Variants in POLR3B observed in about 807,000 individuals in gnomAD.
The protein encoded by POLR3B is RNA polymerase III subunit B.
POLR3B carries 96 observed loss-of-function variants against 147.4 expected under a neutral mutation model. That is an observed-to-expected ratio of 0.65 (90% CI 0.55 to 0.77). POLR3B has a LOEUF of 0.77. Ranked by LOEUF, POLR3B falls within the 30% of genes least tolerant of loss-of-function variation. The pLI, the probability that POLR3B is intolerant of heterozygous loss-of-function variation, is 0.00. For synonymous variants in POLR3B, 461 were observed against 485.9 expected, an observed-to-expected ratio of 0.95 and a Z score of 0.67; for missense variants, 1,036 against 1,413.5, an observed-to-expected ratio of 0.73 and a Z score of 4.28.
intron 25 of POLR3B, among the ~76,000 whole-genome samples, chr12:106,500,687 G>A (rs748432024): frequency 5.3e-5 from 8 of 152,176 alleles, no homozygotes; most frequent in Non-Finnish European, 1.2e-4. Context: ...AAAGGAAACG[G>A]TAAGTCAGAG....
At chr12:106,477,827 C>T (rs796837444) in intron 23 of POLR3B, among the ~76,000 whole-genome samples, 6 of 147,736 alleles carry the variant, frequency 4.1e-5, no homozygotes, top group South Asian at 2.2e-4. Flanking sequence ...CCGTCTTCTG[C>T]GTCGCTCACG....
chr12:106,495,447 A>G (rs1012102884), intron 23 of POLR3B, among the ~76,000 whole-genome samples: 1 of 152,204 alleles, frequency 6.6e-6, no homozygotes, highest in Admixed American at 6.5e-5. Context: ...TATAGGAATT[A>G]AAATTCCTTT....
chr12:106,440,912 C>T (rs573075728), intron 18 of POLR3B, among the ~76,000 whole-genome samples: 17 of 152,124 alleles, frequency 1.1e-4, no homozygotes, highest in South Asian at 4.2e-4. Flanking sequence ...CTATTCCATA[C>T]ATCAAATTAA....
At chr12:106,376,543 G>C (rs2036681915) in intron 7 of POLR3B, 93 bp downstream of exon 7, 1 of 884,026 alleles carries the variant, frequency 1.1e-6, no homozygotes. Context: ...AACAGTACCA[G>C]CTTTTCTACT....
At chr12:106,422,710 T>C (rs759716312) in intron 12 of POLR3B, among the ~76,000 whole-genome samples, 18 of 152,218 alleles carry the variant, frequency 1.2e-4, no homozygotes, top group Non-Finnish European at 1.9e-4. Flanking sequence ...TCTGGACTCT[T>C]TGGTCTATCC....
chr12:106,399,701 C>A (rs1245723246), intron 10 of POLR3B, among the ~76,000 whole-genome samples: 1 of 152,112 alleles, frequency 6.6e-6, no homozygotes, highest in South Asian at 2.1e-4. Flanking sequence ...GAATTTTCAA[C>A]CCAGAATTTC....
At chr12:106,445,595 G>A (rs1322163700) in intron 19 of POLR3B, among the ~76,000 whole-genome samples, 2 of 150,998 alleles carry the variant, frequency 1.3e-5, no homozygotes, top group Non-Finnish European at 3.0e-5. Flanking sequence ...CCCTGACCCC[G>A]CCAAAAAAAA....
At chr12:106,377,682 A>G (rs2136898809) in intron 7 of POLR3B, among the ~76,000 whole-genome samples, 1 of 152,252 alleles carries the variant, frequency 6.6e-6, no homozygotes. Context: ...TTTTTCATTC[A>G]CTTTTTACAT....
At chr12:106,427,138 TA>T in intron 12 of POLR3B, 58 bp from the exon 13 acceptor site, 1 of 1,119,238 alleles carries the variant, frequency 8.9e-7, no homozygotes. Context: ...TAAAATTTAT[TA>T]AAATAATCTA....
chr12:106,435,677 T>G (rs1373476781), intron 16 of POLR3B, among the ~76,000 whole-genome samples: 1 of 152,108 alleles, frequency 6.6e-6, no homozygotes, highest in East Asian at 1.9e-4. Flanking sequence ...TCCTGAGAAC[T>G]AGTTGATAGA....
rs537406347 is a variant in POLR3B, at chr12:106,448,579, G to A, written c.2083+3989G>A. 3.3e-5 allele frequency among the ~76,000 whole-genome samples: 5 copies of A among 151,466 alleles called. No homozygotes were observed. The South Asian group carries it at 1.0e-3, about 32-fold the overall frequency. ...AGCCTCCTGAGTAGCTGGGACTACA[G>A]ATGCACACCACTATGCCCAGCTAAT... On this transcript the variant is annotated intron_variant, in intron 19 of 27. Coordinates refer to ENST00000228347, the MANE Select transcript of POLR3B (RefSeq NM_018082.6).
At chr12:106,499,821 T>C (rs965125734) in intron 25 of POLR3B, among the ~76,000 whole-genome samples, 1 of 152,220 alleles carries the variant, frequency 6.6e-6, no homozygotes, top group African/African-American at 2.4e-5. Context: ...AGAACCAGGT[T>C]GTGCTGAAGT....
At chr12:106,498,775 G>A (rs1485136860) in intron 25 of POLR3B, among the ~76,000 whole-genome samples, 3 of 152,138 alleles carry the variant, frequency 2.0e-5, no homozygotes, top group Non-Finnish European at 4.4e-5. Flanking sequence ...GAGTAGAGAC[G>A]AGGTTTCGCC....
chr12:106,469,176 AC>A (rs1291939900), intron 23 of POLR3B, among the ~76,000 whole-genome samples: 1 of 151,252 alleles, frequency 6.6e-6, no homozygotes, highest in Non-Finnish European at 1.5e-5. Flanking sequence ...TGTTGAATTA[AC>A]CCCTTTACCA....
chr12:106,411,609 A>G (rs2037228242), intron 12 of POLR3B, among the ~76,000 whole-genome samples: 2 of 152,240 alleles, frequency 1.3e-5, no homozygotes, highest in South Asian at 2.1e-4. Context: ...TACTAGTTAT[A>G]TAAGAGGGAG....
intron 20 of POLR3B, 118 bp from the exon 21 acceptor site, chr12:106,457,020 G>A (rs780716357): frequency 1.2e-6 from 1 of 815,584 alleles, no homozygotes; most frequent in Non-Finnish European, 2.1e-6. Flanking sequence ...CAAATACAGA[G>A]AAGTTTTGGG....
At chr12:106,375,899 G>A (rs1402651659) in intron 6 of POLR3B, among the ~76,000 whole-genome samples, 1 of 152,202 alleles carries the variant, frequency 6.6e-6, no homozygotes, top group Non-Finnish European at 1.5e-5. Flanking sequence ...ACTCTGGAGT[G>A]CAGTGGTGTG....
rs2038654541 is a variant in POLR3B, at chr12:106,504,477, AG to A, written c.3272+225del. The stretch of plus-strand genomic sequence containing the variant: ...TACACAACTAGAGGCTAAGCTCCCA[AG>A]GAGTACAAACTTTACCTCCTTTTAA... On this transcript the variant is annotated intron_variant, in intron 27 of 27. Transcript: ENST00000228347. This position sits in a 1 kb window ranked among gnomAD's most constrained non-coding sequence, Gnocchi z 4.6. Among the ~76,000 whole-genome samples, 1 of 152,218 alleles carries A rather than the reference AG, an allele frequency of 6.6e-6. No homozygotes were observed.
rs149158559 is a variant in POLR3B at position 106,445,347 on chromosome 12, G to A, written c.2083+757G>A. The stretch of plus-strand genomic sequence containing the variant: ...TGACAACCAAAATCTAAGAAAATTA[G>A]AGGAGGAAGATCACTTAAAGTGAGA... On this transcript the variant is annotated intron_variant, in intron 19 of 27. Transcript: ENST00000228347. Among the ~76,000 whole-genome samples, 246 of 152,300 alleles carry A rather than the reference G, an allele frequency of 1.6e-3. 1 individual carries two copies. Among genetic ancestry groups the A allele is most frequent in the African/African-American group, 5.4e-3 (226 of 41,572 alleles).
Sources: gnomAD v4.1 joint callset for allele counts (sites outside exome capture counted in the v4.1 genomes callset) on GRCh38, gnomAD v4.1.1 for gene constraint, Gnocchi (gnomAD v3.1) non-coding constraint, MANE v1.5 for transcripts, NCBI Gene and HGNC (gene_info 2026-07-23, HGNC 2026-07-21) for gene names.